PTPRN2: variants seen among roughly 807,000 people sequenced by gnomAD.
PTPRN2 encodes the protein protein tyrosine phosphatase receptor type N2, also known as receptor-type tyrosine-protein phosphatase N2.
A neutral mutation model predicts 118.8 loss-of-function variants in PTPRN2; 74 were observed. The ratio of observed to expected loss-of-function variants is 0.62; its 90% CI spans 0.52 to 0.76. PTPRN2 has a LOEUF of 0.76. Among genes scored for constraint, PTPRN2 ranks in the 30% least tolerant of loss-of-function variants. PTPRN2 has a pLI of 0.00. For missense variants in PTPRN2, 1,481 were observed against 1,394.4 expected, an observed-to-expected ratio of 1.06 and a Z score of -0.99; for synonymous variants, 641 against 608.0, an observed-to-expected ratio of 1.05 and a Z score of -0.80.
chr7:158,184,123 A>T (rs1427440738), intron 5 of PTPRN2, among the ~76,000 whole-genome samples: 1 of 152,182 alleles, frequency 6.6e-6, no homozygotes, highest in Non-Finnish European at 1.5e-5. Context: ...TTTGAAGAAG[A>T]AAATTTTTAA....
chr7:158,205,481 G>A (rs544120770), intron 3 of PTPRN2, among the ~76,000 whole-genome samples: 24 of 152,300 alleles, frequency 1.6e-4, no homozygotes, highest in Admixed American at 1.5e-3. Context: ...CTGATGCTCT[G>A]CTGCATTAAT....
At chr7:158,332,112 A>C (rs1169475706) in intron 2 of PTPRN2, among the ~76,000 whole-genome samples, 1 of 149,770 alleles carries the variant, frequency 6.7e-6, no homozygotes, top group African/African-American at 2.5e-5. Flanking sequence ...AGGCCCACAG[A>C]GGTCACTCAC....
At chr7:158,404,936 C>CT (rs1813281528) in intron 2 of PTPRN2, among the ~76,000 whole-genome samples, 1 of 140,374 alleles carries the variant, frequency 7.1e-6, no homozygotes, top group Non-Finnish European at 1.5e-5. Flanking sequence ...AGCTCCCCGG[C>CT]CCCAGCTCCC....
chr7:158,196,911 A>G (rs963613983), intron 4 of PTPRN2, among the ~76,000 whole-genome samples: 3 of 152,234 alleles, frequency 2.0e-5, no homozygotes, highest in African/African-American at 7.2e-5. Flanking sequence ...ACTGAAGGAC[A>G]TCATCCCCAG....
intron 12 of PTPRN2, among the ~76,000 whole-genome samples, chr7:157,758,656 C>G (rs997335759): frequency 6.6e-6 from 1 of 152,234 alleles, no homozygotes; most frequent in African/African-American, 2.4e-5. Context: ...ATGTCTCCTG[C>G]ATCCCGCGGT....
chr7:158,318,334 T>A (rs187197023), intron 2 of PTPRN2, among the ~76,000 whole-genome samples: 51 of 152,344 alleles, frequency 3.3e-4, no homozygotes, highest in African/African-American at 1.1e-3. Flanking sequence ...GTGTTCCTAC[T>A]CTGCTTTTCG....
intron 12 of PTPRN2, among the ~76,000 whole-genome samples, chr7:157,824,804 C>G (rs766854491): frequency 6.6e-6 from 1 of 152,236 alleles, no homozygotes; most frequent in Non-Finnish European, 1.5e-5. Flanking sequence ...CAACACTCCT[C>G]AGAGAAAGGG....
chr7:157,814,623 A>G (rs56142127), intron 12 of PTPRN2, among the ~76,000 whole-genome samples: 25,475 of 151,256 alleles, frequency 0.17, 3,300 homozygotes, highest in African/African-American at 0.34. Flanking sequence ...CCAATCCCAT[A>G]TGGGGCCATC....
In PTPRN2 at chr7:157,794,895, C is replaced by T. The variant is rs1563116786; in HGVS notation, c.1788+103778G>A. On this transcript the variant is annotated intron_variant, in intron 12 of 22. Coordinates refer to ENST00000389418, the MANE Select transcript of PTPRN2 (RefSeq NM_002847.5). This position sits in a 1 kb window ranked among gnomAD's most constrained non-coding sequence, Gnocchi z 5.2. ...TCATTGTCATGCTAAAGCACATCACCTCGGTCCTCAGAGAGGAGGGATTTC... is the reference window on the plus strand; with the variant it reads ...TCATTGTCATGCTAAAGCACATCACTTCGGTCCTCAGAGAGGAGGGATTTC... Among the ~76,000 whole-genome samples, 1 of 152,244 alleles carries T rather than the reference C, an allele frequency of 6.6e-6. No homozygotes were observed. Among genetic ancestry groups the T allele is most frequent in the Non-Finnish European group, 1.5e-5 (1 of 68,036 alleles).
chr7:157,620,683 C>T (rs60107977), intron 15 of PTPRN2, among the ~76,000 whole-genome samples: 2,621 of 152,258 alleles, frequency 0.017, 74 homozygotes, highest in African/African-American at 0.06. Context: ...GTGCAGATGT[C>T]CCCAGGCCCG....
chr7:158,262,915 GCACA>G lies in PTPRN2; in HGVS notation c.277+53900_277+53903del, dbSNP rs146313301. On this transcript the variant is annotated intron_variant, in intron 3 of 22. Coordinates refer to ENST00000389418, the MANE Select transcript of PTPRN2 (RefSeq NM_002847.5). ...CACACACACTGCAAACATTCACACT[GCACA>G]CACATTCACACACTGCACACACACA... Among the ~76,000 whole-genome samples the G allele has an allele frequency of 9.0e-3, 1,135 of 126,416 alleles. 15 individuals carry two copies. The highest frequency in any genetic ancestry group is 0.032 in the African/African-American group (1,055 of 33,036). The allele number at this position is 126,416 out of a possible 152,430, so 82.9% of individuals were successfully genotyped here. A position where few individuals can be genotyped will look rare whatever the true frequency, so the allele number is the denominator to read the frequency against.
intron 12 of PTPRN2, among the ~76,000 whole-genome samples, chr7:157,749,196 C>G (rs1366080079): frequency 4.5e-5 from 2 of 44,478 alleles, no homozygotes; most frequent in Non-Finnish European, 4.0e-5. Flanking sequence ...TCTGGGCTGT[C>G]CGGGTGATTC....
rs1022603358 is a variant in PTPRN2, at chr7:158,127,353, C to A, written c.1556+6324G>T. 2.6e-5 allele frequency among the ~76,000 whole-genome samples: 4 copies of A among 152,226 alleles called. No homozygotes were observed. In the South Asian group the frequency reaches 8.3e-4, roughly 32 times the overall value. Reference sequence around the variant, plus strand: ...GCGCCCTGCATCCTCTGCACGTGGCCCGGGCTCTGCTCCACCTGAGCCCCG... The same window carrying A: ...GCGCCCTGCATCCTCTGCACGTGGCACGGGCTCTGCTCCACCTGAGCCCCG... On this transcript the variant is annotated intron_variant, in intron 9 of 22. Transcript: ENST00000389418.
intron 2 of PTPRN2, among the ~76,000 whole-genome samples, chr7:158,411,454 G>A (rs888712343): frequency 4.6e-5 from 7 of 152,084 alleles, no homozygotes; most frequent in East Asian, 1.9e-4. Context: ...GCACATGCCC[G>A]GCCACCACTC....
At chr7:157,915,775 G>C (rs1305091323) in intron 11 of PTPRN2, among the ~76,000 whole-genome samples, 2 of 152,086 alleles carry the variant, frequency 1.3e-5, no homozygotes, top group Admixed American at 1.3e-4. Flanking sequence ...CACTTGGCTT[G>C]GGATCTCCAA....
intron 2 of PTPRN2, among the ~76,000 whole-genome samples, chr7:158,432,455 G>A (rs924205020): frequency 6.6e-6 from 1 of 152,212 alleles, no homozygotes; most frequent in Admixed American, 6.5e-5. Context: ...GTGTTCAGGA[G>A]GGGGAGGGTG....
intron 12 of PTPRN2, among the ~76,000 whole-genome samples, chr7:157,738,513 G>A (rs74646592): frequency 0.012 from 1,793 of 152,324 alleles, 40 homozygotes; most frequent in Non-Finnish European, 0.01. Context: ...GCAGGCTGCC[G>A]GTGCTGGTCC....
chr7:158,277,503 G>C (rs1019175397), intron 3 of PTPRN2, among the ~76,000 whole-genome samples: 1 of 152,200 alleles, frequency 6.6e-6, no homozygotes, highest in South Asian at 2.1e-4. Context: ...AAATCAGCAA[G>C]AGGAGGCGGC....
intron 4 of PTPRN2, among the ~76,000 whole-genome samples, chr7:158,196,654 G>A (rs1826235463): frequency 6.6e-6 from 1 of 152,200 alleles, no homozygotes; most frequent in South Asian, 2.1e-4. Context: ...CAACCGAGAT[G>A]TAGCTCCCCG....
Sources: gnomAD v4.1 joint callset for allele counts (sites outside exome capture counted in the v4.1 genomes callset) on GRCh38, gnomAD v4.1.1 for gene constraint, Gnocchi (gnomAD v3.1) non-coding constraint, MANE v1.5 for transcripts, NCBI Gene and HGNC (gene_info 2026-07-23, HGNC 2026-07-21) for gene names.